Variants in GSE1 observed in about 807,000 individuals in gnomAD.
The protein encoded by GSE1 is Gse1 coiled-coil protein.
Under a neutral mutation model 112.6 loss-of-function variants are expected in GSE1, and 32 were observed. The ratio of observed to expected loss-of-function variants is 0.28; its 90% CI spans 0.21 to 0.38. The LOEUF is 0.38. Ranked by LOEUF, GSE1 falls within the 10% of genes least tolerant of loss-of-function variation. The pLI is 1.00. For missense variants in GSE1, 2,348 were observed against 1,699.2 expected, an observed-to-expected ratio of 1.38 and a Z score of -6.71; for synonymous variants, 1,115 against 735.6, an observed-to-expected ratio of 1.52 and a Z score of -8.35.
At chr16:85,567,441 G>T (rs1231363940) in intron 1 of GSE1, among the ~76,000 whole-genome samples, 1 of 152,202 alleles carries the variant, frequency 6.6e-6, no homozygotes, top group African/African-American at 2.4e-5. Context: ...TCGTCTGAAG[G>T]CTCCTCTCAC....
chr16:85,658,754 C>G (rs1238298367), intron 8 of GSE1, among the ~76,000 whole-genome samples: 2 of 152,332 alleles, frequency 1.3e-5, no homozygotes, highest in Middle Eastern at 3.4e-3. Flanking sequence ...CAGCCAGCTC[C>G]TACCTGGCAT....
chr16:85,296,876 G>A (rs1443951946), intron 1 of GSE1, among the ~76,000 whole-genome samples: 1 of 150,598 alleles, frequency 6.6e-6, no homozygotes, highest in Non-Finnish European at 1.5e-5. Context: ...GAGTCTTGCA[G>A]TCTGTGAGGG....
At chr16:85,587,343 C>G (rs139708095) in intron 1 of GSE1, among the ~76,000 whole-genome samples, 2 of 152,318 alleles carry the variant, frequency 1.3e-5, no homozygotes, top group African/African-American at 2.4e-5. Context: ...TTGCTATTAG[C>G]CAGTGTTAAT....
At chr16:85,614,062 C>A (rs2048197746) in intron 1 of GSE1, among the ~76,000 whole-genome samples, 1 of 151,154 alleles carries the variant, frequency 6.6e-6, no homozygotes, top group Non-Finnish European at 1.5e-5. Context: ...TCCCCCCACC[C>A]CCGGCGGAGC....
chr16:85,656,366 G>A lies in GSE1; in HGVS notation c.1013G>A (p.Arg338Lys), dbSNP rs2051933283. Residue 338 changes from arginine to lysine, a missense_variant, in exon 7 of 16, where the codon AGG (arginine) becomes AAG (lysine). Coordinates refer to ENST00000253458, the MANE Select transcript of GSE1 (RefSeq NM_014615.5). ...AERLQMDEEL[R>K]RERERERERE... Reference sequence around the variant, plus strand: ...AGGCTGCAGATGGACGAGGAGCTAAGGCGGGAGAGGGAGCGCGAGCGCGAG... The same window carrying A: ...AGGCTGCAGATGGACGAGGAGCTAAAGCGGGAGAGGGAGCGCGAGCGCGAG... 1 of 1,610,118 alleles carries A rather than the reference G, an allele frequency of 6.2e-7. No homozygotes were observed. Among genetic ancestry groups the A allele is most frequent in the Non-Finnish European group, 8.5e-7 (1 of 1,179,612 alleles).
At chr16:85,486,893 A>G (rs1003476235) in intron 2 of GSE1, among the ~76,000 whole-genome samples, 10 of 152,124 alleles carry the variant, frequency 6.6e-5, no homozygotes, top group South Asian at 4.2e-4. Context: ...CTGTTGCTAA[A>G]CATAGGCTGC....
chr16:85,648,682 C>T lies in GSE1; in HGVS notation c.357C>T (p.Ser119=). Residue 119 remains serine, a synonymous_variant, in exon 3 of 16, where the codon AGC becomes AGT. Transcript: ENST00000253458. ...CCCCTGGGGGCCACAGCGTGCCCAGCACCCCCCCCGTGGTGACCATCGCTC... is the reference window on the plus strand; with the variant it reads ...CCCCTGGGGGCCACAGCGTGCCCAGTACCCCCCCCGTGGTGACCATCGCTC... The part of the protein sequence containing the change: ...IVPPGGHSVP[S]TPPVVTIAPT... 6.2e-7 allele frequency: 1 copy of T among 1,606,764 alleles called. No homozygotes were observed. The highest frequency in any genetic ancestry group is 1.7e-5 in the Admixed American group (1 of 59,640).
At chr16:85,297,593 A>G (rs1008711) in intron 1 of GSE1, among the ~76,000 whole-genome samples, 127,843 of 152,128 alleles carry the variant, frequency 0.84, 54,226 homozygotes, top group African/African-American at 0.96. Flanking sequence ...TCCACCTCTC[A>G]GGCTCATGTG....
chr16:85,634,814 T>G (rs1003422926), intron 2 of GSE1, among the ~76,000 whole-genome samples: 1 of 152,180 alleles, frequency 6.6e-6, no homozygotes, highest in Non-Finnish European at 1.5e-5. Context: ...TCTGGGGTAC[T>G]TTTTGGCGCC....
intron 1 of GSE1, among the ~76,000 whole-genome samples, chr16:85,212,908 G>A (rs2075249452): frequency 2.0e-5 from 3 of 152,054 alleles, no homozygotes; most frequent in South Asian, 2.1e-4. Flanking sequence ...CGGGAAGATC[G>A]CTCGAGCCCA....
At chr16:85,655,464 G>A (rs1454949950) in intron 5 of GSE1, among the ~76,000 whole-genome samples, 1 of 152,214 alleles carries the variant, frequency 6.6e-6, no homozygotes, top group Non-Finnish European at 1.5e-5. Context: ...AAGGGCCTGG[G>A]CGCTTGACCA....
chr16:85,314,747 T>C (rs2045952187), intron 1 of GSE1, among the ~76,000 whole-genome samples: 1 of 152,132 alleles, frequency 6.6e-6, no homozygotes, highest in South Asian at 2.1e-4. Context: ...CCAGGCTTGT[T>C]TTCTCCTGCT....
intron 2 of GSE1, chr16:85,359,271 C>T (rs1221469223): frequency 1.3e-5 from 5 of 397,956 alleles, no homozygotes; most frequent in East Asian, 1.5e-4. Context: ...CTGGGCCTGG[C>T]GGCTCACGGG....
intron 1 of GSE1, among the ~76,000 whole-genome samples, chr16:85,244,648 G>A (rs1329124291): frequency 3.3e-5 from 5 of 150,596 alleles, no homozygotes; most frequent in South Asian, 2.1e-4. Flanking sequence ...CCAGGAGTTC[G>A]AGGCCAGCCT....
At chr16:85,267,815 G>C (rs1202391044) in intron 1 of GSE1, among the ~76,000 whole-genome samples, 1 of 152,164 alleles carries the variant, frequency 6.6e-6, no homozygotes, top group Non-Finnish European at 1.5e-5. Flanking sequence ...CTGTATAGGA[G>C]GCAGCATAGT....
chr16:85,498,731 A>C (rs1441594302), intron 2 of GSE1, among the ~76,000 whole-genome samples: 1 of 152,232 alleles, frequency 6.6e-6, no homozygotes, highest in Non-Finnish European at 1.5e-5. Flanking sequence ...GGGGTTCCCC[A>C]GGGCCTGGGA....
At chr16:85,169,604 C>A (rs1280246228) in exon 1 of GSE1, 1 of 982,512 alleles carries the variant, frequency 1.0e-6, no homozygotes, top group East Asian at 1.2e-4. Flanking sequence ...GGCGGCGCGC[C>A]GCTCTCCTGC....
chr16:85,425,532 G>A (rs893502462), intron 2 of GSE1, among the ~76,000 whole-genome samples: 5 of 152,164 alleles, frequency 3.3e-5, no homozygotes, highest in African/African-American at 1.2e-4. Flanking sequence ...TCCTCCTAGC[G>A]GGATTTGGAG....
intron 1 of GSE1, among the ~76,000 whole-genome samples, chr16:85,305,470 T>G (rs1213279646): frequency 7.7e-6 from 1 of 129,404 alleles, no homozygotes; most frequent in Admixed American, 8.0e-5. Context: ...TTTGTTGTTT[T>G]TTTTTTTTTG....
Sources: gnomAD v4.1 joint callset for allele counts (sites outside exome capture counted in the v4.1 genomes callset) on GRCh38, gnomAD v4.1.1 for gene constraint, MANE v1.5 for transcripts, NCBI Gene and HGNC (gene_info 2026-07-23, HGNC 2026-07-21) for gene names.